OR52E5: variants seen among roughly 807,000 people sequenced by gnomAD.
The protein encoded by OR52E5 is olfactory receptor 52E5.
At chr11:5,893,829 T>C (rs752445755) in intron 1 of OR52E5, among the ~76,000 whole-genome samples, 2 of 152,130 alleles carry the variant, frequency 1.3e-5, no homozygotes, top group African/African-American at 2.4e-5. Context: ...AAAGGCTTAC[T>C]TTTTTTGTGT....
At chr11:5,893,810 A>C (rs567161764) in intron 1 of OR52E5, among the ~76,000 whole-genome samples, 222 of 152,218 alleles carry the variant, frequency 1.5e-3, no homozygotes, top group African/African-American at 4.8e-3. Flanking sequence ...GAAATACAAA[A>C]AAAATAAAAA....
Position 5,901,135 on chromosome 11 carries a change from C to T in OR52E5, c.359C>T (p.Thr120Met), listed in dbSNP as rs150704925. ...TGLESVVLTV[T>M]GIDRYIAICN... ...CTGGAGTCTGTGGTACTGACAGTCA[C>T]GGGCATAGATCGCTATATTGCCATC... Residue 120 changes from threonine (T) to methionine (M), a missense_variant, in exon 3 of 3, where the codon ACG (threonine) becomes ATG (methionine). By Grantham distance (81) the Thr-to-Met change is moderately conservative. Coordinates refer to ENST00000610445, the MANE Select transcript of OR52E5 (RefSeq NM_001005166.5). 9 of 401,450 alleles carry T rather than the reference C, an allele frequency of 2.2e-5. No homozygotes were observed. Among genetic ancestry groups the T allele is most frequent in the South Asian group, 2.5e-4 (2 of 7,944 alleles). 24.9% of individuals were successfully genotyped at this position (401,450 alleles called of 1,614,324 possible).
chr11:5,900,546 A>T (rs1847235378), intron 2 of OR52E5, 86 bp from the exon 3 acceptor site: 1 of 361,008 alleles, frequency 2.8e-6, no homozygotes, highest in African/African-American at 2.1e-5. Flanking sequence ...TATTTTGGAA[A>T]CTTTCTGCAT....
At chr11:5,895,326 G>C (rs915748519) in intron 1 of OR52E5, among the ~76,000 whole-genome samples, 1 of 152,150 alleles carries the variant, frequency 6.6e-6, no homozygotes, top group Non-Finnish European at 1.5e-5. Flanking sequence ...CAAAAGAAAA[G>C]CTGGATTTAT....
intron 2 of OR52E5, among the ~76,000 whole-genome samples, chr11:5,896,721 C>A (rs1847181304): frequency 6.6e-6 from 1 of 152,136 alleles, no homozygotes; most frequent in African/African-American, 2.4e-5. Context: ...ACAGTCCCTG[C>A]ATGATGTGGT....
rs1291792017 is a variant in OR52E5 at position 5,902,085 on chromosome 11, G to A, written c.*325G>A. On this transcript the variant is annotated 3_prime_UTR_variant, in exon 3 of 3. Transcript: ENST00000610445. ...CATATCCAAAGCTGAAGTTCATGAC[G>A]ATTAAAATGATGTGGTATTTCATCA... 1 of 185,952 alleles carries A rather than the reference G, an allele frequency of 5.4e-6. No individual in the cohort carries two copies. Among genetic ancestry groups the A allele is most frequent in the Non-Finnish European group, 1.1e-5 (1 of 89,076 alleles). 11.5% of individuals were successfully genotyped at this position (185,952 alleles called of 1,614,324 possible).
intron 2 of OR52E5, among the ~76,000 whole-genome samples, chr11:5,897,505 C>T (rs1847191873): frequency 6.6e-6 from 1 of 152,152 alleles, no homozygotes; most frequent in East Asian, 1.9e-4. Context: ...GTATACGTCC[C>T]ACATTTTATT....
rs1037943485 is a variant in OR52E5 at position 5,900,934 on chromosome 11, C to A, written c.158C>A (p.Thr53Asn). ...ATCATTATCCTGTTTGTGATACAGA[C>A]TGAACAGAGCCTCCACCAACCCATG... ...GNIIILFVIQ[T>N]EQSLHQPMFY... The change falls in exon 3 of 3, where the codon ACT (threonine) becomes AAT (asparagine). Residue 53 changes from threonine to asparagine, a missense_variant. Thr to Asn is a moderately conservative substitution (Grantham distance 65, BLOSUM62 0). Transcript: ENST00000610445. 2 of 401,344 alleles carry A rather than the reference C, an allele frequency of 5.0e-6. No individual in the cohort carries two copies. The highest frequency in any genetic ancestry group is 2.1e-5 in the African/African-American group (1 of 48,682). The allele number at this position is 401,344 out of a possible 1,614,324, so 24.9% of individuals were successfully genotyped here. A position where few individuals can be genotyped will look rare whatever the true frequency, so the allele number is the denominator to read the frequency against.
In OR52E5 at chr11:5,901,802, T is replaced by C. The variant is rs1418825603; in HGVS notation, c.*42T>C. 1 of 399,650 alleles carries C rather than the reference T, an allele frequency of 2.5e-6. No homozygotes were observed. Among genetic ancestry groups the C allele is most frequent in the Non-Finnish European group, 4.4e-6 (1 of 226,074 alleles). The allele number at this position is 399,650 out of a possible 1,614,324, so 24.8% of individuals were successfully genotyped here. A position where few individuals can be genotyped will look rare whatever the true frequency, so the allele number is the denominator to read the frequency against. On this transcript the variant is annotated 3_prime_UTR_variant, in exon 3 of 3. Coordinates refer to ENST00000610445, the MANE Select transcript of OR52E5 (RefSeq NM_001005166.5). The stretch of plus-strand genomic sequence containing the variant: ...TAAACACTGGAAACATTTTTTTTAC[T>C]ACTTCTCTTGCATTCCCACATGAGC...
chr11:5,894,580 A>G (rs775821662), intron 1 of OR52E5, among the ~76,000 whole-genome samples: 26 of 152,202 alleles, frequency 1.7e-4, no homozygotes, highest in Non-Finnish European at 3.1e-4. Flanking sequence ...GAAGAAAGAC[A>G]TAGAGAAGAA....
chr11:5,893,690 C>T (rs1433162219), intron 1 of OR52E5, among the ~76,000 whole-genome samples: 1 of 152,030 alleles, frequency 6.6e-6, no homozygotes, highest in East Asian at 1.9e-4. Context: ...GATGCTGAAA[C>T]CTCAAATTTT....
intron 2 of OR52E5, among the ~76,000 whole-genome samples, chr11:5,898,389 C>T (rs1847204135): frequency 6.6e-6 from 1 of 152,102 alleles, no homozygotes; most frequent in African/African-American, 2.4e-5. Context: ...TGTAGGTTGT[C>T]TGTTTACTCT....
chr11:5,898,910 CTGT>C (rs768763344), intron 2 of OR52E5, among the ~76,000 whole-genome samples: 9 of 149,476 alleles, frequency 6.0e-5, no homozygotes, highest in Non-Finnish European at 1.1e-4. Flanking sequence ...TAGGATTGCT[CTGT>C]CTATTTGGGC....
chr11:5,895,052 T>C (rs1371593270), intron 1 of OR52E5, among the ~76,000 whole-genome samples: 6 of 152,220 alleles, frequency 3.9e-5, no homozygotes, highest in Non-Finnish European at 8.8e-5. Context: ...GCTTTAGACT[T>C]TGAGTGTAGA....
intron 2 of OR52E5, among the ~76,000 whole-genome samples, 197 bp downstream of exon 2, chr11:5,895,910 G>A (rs1012814362): frequency 4.6e-5 from 7 of 151,964 alleles, no homozygotes; most frequent in East Asian, 1.9e-4. Flanking sequence ...TTAGCCGGGC[G>A]TGGTGGTGGG....
chr11:5,902,223 C>T lies in OR52E5; in HGVS notation c.*463C>T, dbSNP rs1365388810. Reference sequence around the variant, plus strand: ...TTGACCTGAGCATTTCACTTAGACTCTTTGAGTTCACAATAACAAATTCAT... The same window carrying T: ...TTGACCTGAGCATTTCACTTAGACTTTTTGAGTTCACAATAACAAATTCAT... On this transcript the variant is annotated 3_prime_UTR_variant, in exon 3 of 3. Coordinates refer to ENST00000610445, the MANE Select transcript of OR52E5 (RefSeq NM_001005166.5). The T allele has an allele frequency of 6.5e-6, 1 of 153,346 alleles. No individual in the cohort carries two copies. The highest frequency in any genetic ancestry group is 1.5e-5 in the Non-Finnish European group (1 of 68,692). The allele number at this position is 153,346 out of a possible 1,614,324, so 9.5% of individuals were successfully genotyped here. A position where few individuals can be genotyped will look rare whatever the true frequency, so the allele number is the denominator to read the frequency against.
chr11:5,900,590 G>A (rs1477347397), intron 2 of OR52E5, 42 bp from the exon 3 acceptor site: 2 of 388,548 alleles, frequency 5.1e-6, no homozygotes, highest in African/African-American at 4.1e-5. Flanking sequence ...ATATTTAAAA[G>A]TGAGAGTGTC....
intron 2 of OR52E5, among the ~76,000 whole-genome samples, 193 bp downstream of exon 2, chr11:5,895,906 G>A (rs771979974): frequency 8.6e-5 from 13 of 152,038 alleles, no homozygotes; most frequent in South Asian, 4.2e-4. Flanking sequence ...AAAATTAGCC[G>A]GGCGTGGTGG....
At position 5,901,918 on chromosome 11, in the gene OR52E5, T is replaced by G. The variant is rs73398292; in HGVS notation, c.*158T>G. 8,014 of 396,670 alleles carry G rather than the reference T, an allele frequency of 0.02. 548 individuals are homozygous for G. The highest frequency in any genetic ancestry group is 0.15 in the African/African-American group (7,081 of 48,650). 24.6% of individuals were successfully genotyped at this position (396,670 alleles called of 1,614,324 possible). ...AAGATTCCAAAACAATCTCTCTGTT[T>G]CACCCATTAAAAGTGCAAAAAGTAC... is the stretch of plus-strand genomic sequence containing the variant. On this transcript the variant is annotated 3_prime_UTR_variant, in exon 3 of 3. Transcript: ENST00000610445.
Sources: allele counts gnomAD v4.1 joint callset (sites outside exome capture counted in the v4.1 genomes callset), GRCh38; gene constraint gnomAD v4.1.1; transcripts MANE v1.5; gene names NCBI Gene and HGNC (gene_info 2026-07-23, HGNC 2026-07-21).